Variants in CSMD1 observed in about 807,000 individuals in gnomAD.
CSMD1 encodes CUB and sushi domain-containing protein 1.
Under a neutral mutation model 417.5 loss-of-function variants are expected in CSMD1, and 213 were observed. The ratio of observed to expected loss-of-function variants is 0.51; its 90% CI spans 0.46 to 0.57. CSMD1 has a LOEUF of 0.57. Among genes scored for constraint, CSMD1 ranks in the 20% least tolerant of loss-of-function variants. CSMD1 has a pLI of 0.00. For synonymous variants in CSMD1, 2,862 were observed against 1,736.8 expected (o/e 1.65, Z -16.11); for missense variants, 6,923 against 4,529.7 (o/e 1.53, Z -15.17).
At chr8:4,935,081 C>T (rs758964389) in intron 1 of CSMD1, among the ~76,000 whole-genome samples, 1 of 152,208 alleles carries the variant, frequency 6.6e-6, no homozygotes, top group Non-Finnish European at 1.5e-5. Context: ...CATATCACAA[C>T]AGGCCCCATG....
chr8:4,342,205 C>G lies in CSMD1; in HGVS notation c.415+77748G>C, dbSNP rs1316131404. On this transcript the variant is annotated intron_variant, in intron 3 of 69. Transcript: ENST00000635120. ...TGCAAACTTGGCAGCAGTGCTGTGT[C>G]TGTGTGTGTGTGTGTGTGTGTGTGT... Among the ~76,000 whole-genome samples the G allele has an allele frequency of 5.2e-4, 78 of 150,692 alleles. 1 individual carries two copies. The highest frequency in any genetic ancestry group is 1.4e-3 in the African/African-American group (58 of 41,196).
intron 5 of CSMD1, among the ~76,000 whole-genome samples, chr8:3,907,939 T>A (rs562060554): frequency 6.6e-6 from 1 of 152,148 alleles, no homozygotes; most frequent in East Asian, 1.9e-4. Flanking sequence ...ACTGATTGAT[T>A]TTTTTGGGGG....
At chr8:3,979,202 A>G (rs1365201813) in intron 5 of CSMD1, among the ~76,000 whole-genome samples, 1 of 152,240 alleles carries the variant, frequency 6.6e-6, no homozygotes, top group Admixed American at 6.5e-5. Context: ...AGGGACAGCC[A>G]AATCTCAATA....
chr8:3,926,021 ACACACACAC>A (rs1809642064), intron 5 of CSMD1, among the ~76,000 whole-genome samples: 1 of 118,522 alleles, frequency 8.4e-6, no homozygotes, highest in African/African-American at 4.1e-5. Flanking sequence ...CTATACACAC[ACACACACAC>A]ACACACACAC....
intron 3 of CSMD1, among the ~76,000 whole-genome samples, chr8:4,168,974 G>C (rs75875091): frequency 1.3e-5 from 2 of 152,030 alleles, no homozygotes; most frequent in East Asian, 3.9e-4. Flanking sequence ...TCCTCAGGCC[G>C]TTCTCCTCAT....
chr8:4,808,096 A>G (rs1308796189), intron 1 of CSMD1, among the ~76,000 whole-genome samples: 4 of 152,156 alleles, frequency 2.6e-5, no homozygotes, highest in Admixed American at 6.6e-5. Context: ...TAGCATGCTT[A>G]CTTGCAATTA....
At chr8:3,306,443 G>A (rs1483408326) in intron 25 of CSMD1, among the ~76,000 whole-genome samples, 1 of 152,132 alleles carries the variant, frequency 6.6e-6, no homozygotes, top group Non-Finnish European at 1.5e-5. Context: ...CAAAGTGTTA[G>A]GCATGAGCCA....
At chr8:2,957,418 C>T (rs75672852) in intron 63 of CSMD1, among the ~76,000 whole-genome samples, 2 of 152,028 alleles carry the variant, frequency 1.3e-5, no homozygotes, top group East Asian at 1.9e-4. Context: ...TCTCCTGGAG[C>T]GCTTGTTAAA....
At chr8:4,118,486 G>GA (rs11370888) in intron 3 of CSMD1, among the ~76,000 whole-genome samples, 150,476 of 152,120 alleles carry the variant, frequency 0.99, 74,450 homozygotes, top group East Asian at 1. Flanking sequence ...CAAACATATA[G>GA]AAAAAAGCTC....
At chr8:3,996,499 G>A (rs545460659) in intron 5 of CSMD1, among the ~76,000 whole-genome samples, 4 of 151,932 alleles carry the variant, frequency 2.6e-5, no homozygotes, top group East Asian at 3.9e-4. Flanking sequence ...GAAGTCATAA[G>A]GATTTGCTTT....
intron 1 of CSMD1, among the ~76,000 whole-genome samples, chr8:4,881,188 T>G (rs761814050): frequency 2.6e-5 from 4 of 152,116 alleles, no homozygotes; most frequent in Non-Finnish European, 2.9e-5. Flanking sequence ...TTCCTTTGTG[T>G]GCTATGTGAA....
chr8:3,694,415 AG>A (rs1484736309), intron 7 of CSMD1, among the ~76,000 whole-genome samples: 1 of 152,162 alleles, frequency 6.6e-6, no homozygotes, highest in East Asian at 1.9e-4. Context: ...GCTGCACACC[AG>A]GGAGTAACTG....
intron 21 of CSMD1, among the ~76,000 whole-genome samples, chr8:3,352,876 A>G (rs1239495414): frequency 6.6e-6 from 1 of 152,084 alleles, no homozygotes; most frequent in Non-Finnish European, 1.5e-5. Flanking sequence ...ACAAACAAAA[A>G]ACACGAAAAC....
chr8:4,392,712 G>C (rs564206628), intron 3 of CSMD1, among the ~76,000 whole-genome samples: 65 of 151,762 alleles, frequency 4.3e-4, no homozygotes, highest in African/African-American at 1.5e-3. Context: ...GCTGACACCT[G>C]TAATACCAGC....
intron 14 of CSMD1, 88 bp from the exon 15 acceptor site, chr8:3,406,309 T>TAAAG: frequency 9.6e-7 from 1 of 1,038,996 alleles, no homozygotes; most frequent in Non-Finnish European, 1.4e-6. Flanking sequence ...AACAAGCTTA[T>TAAAG]AAAGCATTCA....
At chr8:4,270,567 G>C (rs890551510) in intron 3 of CSMD1, among the ~76,000 whole-genome samples, 1 of 152,102 alleles carries the variant, frequency 6.6e-6, no homozygotes, top group Non-Finnish European at 1.5e-5. Context: ...CATTATGTTT[G>C]ATGACTACAC....
chr8:4,623,227 A>T (rs551398635), intron 2 of CSMD1, among the ~76,000 whole-genome samples: 18 of 152,312 alleles, frequency 1.2e-4, no homozygotes, highest in Admixed American at 1.1e-3. Flanking sequence ...ATGATCAATA[A>T]GCACATAAAA....
chr8:3,715,736 T>A (rs1324248973), intron 6 of CSMD1, among the ~76,000 whole-genome samples: 2 of 152,234 alleles, frequency 1.3e-5, no homozygotes, highest in Admixed American at 6.5e-5. Flanking sequence ...AGAGACACGG[T>A]TTCACCATGT....
chr8:3,590,272 T>C (rs1800790431), intron 8 of CSMD1, among the ~76,000 whole-genome samples: 1 of 152,152 alleles, frequency 6.6e-6, no homozygotes, highest in Non-Finnish European at 1.5e-5. Context: ...TGTTTATATA[T>C]TCAAATGATT....
Sources: gnomAD v4.1 joint callset for allele counts (sites outside exome capture counted in the v4.1 genomes callset) on GRCh38, gnomAD v4.1.1 for gene constraint, MANE v1.5 for transcripts, NCBI Gene and HGNC (gene_info 2026-07-23, HGNC 2026-07-21) for gene names.